Variants in MAN2A2 observed in about 807,000 individuals in gnomAD.
The protein encoded by MAN2A2 is alpha-mannosidase 2x.
In MAN2A2, 79 loss-of-function variants were observed where a neutral mutation model predicts 126.8. The observed-to-expected ratio is 0.62, with a 90% confidence interval of 0.52 to 0.75. The LOEUF (loss-of-function observed/expected upper bound fraction) is 0.75. MAN2A2 is among the 30% of genes least tolerant of loss of function. The pLI, the probability that MAN2A2 is intolerant of heterozygous loss-of-function variation, is 0.00. For synonymous variants in MAN2A2, 671 were observed against 618.7 expected (o/e 1.08, Z -1.25); for missense variants, 1,392 against 1,522.4 (o/e 0.91, Z 1.43).
chr15:90,909,450 C>T lies in MAN2A2; in HGVS notation c.1320C>T (p.Phe440=), dbSNP rs1364462721. 17 of 1,614,032 alleles carry T rather than the reference C, an allele frequency of 1.1e-5. No individual in the cohort carries two copies. Among genetic ancestry groups the T allele is most frequent in the Non-Finnish European group, 1.4e-5 (16 of 1,180,008 alleles). The change falls in exon 9 of 23, where the codon TTC becomes TTT. Residue 440 remains phenylalanine (F), a synonymous_variant. Coordinates refer to ENST00000559717, the MANE Select transcript of MAN2A2 (RefSeq NM_006122.4). ...CCCAGGAGTGGGATGCCCAGTTCTT[C>T]AACTACCAACGGCTCTTTGACTTCT... ...DKPQEWDAQF[F]NYQRLFDFFN...
rs1294076956 is a variant in MAN2A2, at chr15:90,907,306, C to T, written c.1010-3C>T. 2.5e-6 allele frequency: 4 copies of T among 1,612,502 alleles called. No homozygotes were observed. The highest frequency in any genetic ancestry group is 3.4e-6 in the Non-Finnish European group (4 of 1,178,928). On this transcript the variant is annotated splice_polypyrimidine_tract_variant and splice_region_variant and intron_variant, in intron 7 of 22. Coordinates refer to ENST00000559717, the MANE Select transcript of MAN2A2 (RefSeq NM_006122.4). ...TGGTGACCACGTGGTGTGTCTCCTG[C>T]AGACTCGGACTCCAGCACAGACATC...
rs1028847148 is a variant in MAN2A2 at position 90,904,404 on chromosome 15, C to A, written c.132+65C>A. 3 of 1,545,064 alleles carry A rather than the reference C, an allele frequency of 1.9e-6. No homozygotes were observed. In the African/African-American group the frequency reaches 4.1e-5, roughly 21 times the overall value. ...CACCTGGGCTCAGGGTATGCACCTC[C>A]CACCCCGCCGCCTCCCCTCCCACCC... On this transcript the variant is annotated intron_variant, in intron 2 of 22. Coordinates refer to ENST00000559717, the MANE Select transcript of MAN2A2 (RefSeq NM_006122.4).
rs1250346940 is a variant in MAN2A2 at position 90,905,263 on chromosome 15, G to C, written c.145G>C (p.Val49Leu). The change falls in exon 3 of 23, where the codon GTG becomes CTG. Residue 49 changes from valine (V) to leucine (L), a missense_variant. Transcript: ENST00000559717. Reference sequence around the variant, plus strand: ...GGTTTTTTGGCAGAGCCAAATTTCTGTGCTGCAGAACCGCATTGAGCAGCT... The same window carrying C: ...GGTTTTTTGGCAGAGCCAAATTTCTCTGCTGCAGAACCGCATTGAGCAGCT... ...GGNFPRSQISVLQNRIEQLEQ... is the reference protein window; with the variant it reads ...GGNFPRSQISLLQNRIEQLEQ... The C allele has an allele frequency of 6.2e-7, 1 of 1,612,520 alleles. No individual in the cohort carries two copies. The highest frequency in any genetic ancestry group is 8.5e-7 in the Non-Finnish European group (1 of 1,179,972).
In MAN2A2 at chr15:90,913,290, C is replaced by G; in HGVS notation, c.2602C>G (p.Leu868Val). The change falls in exon 18 of 23, where the codon CTG becomes GTG. Residue 868 changes from leucine (L) to valine (V), a missense_variant. By Grantham distance (32) the Leu-to-Val change is conservative (BLOSUM62 1). Transcript: ENST00000559717. ...YNLPGVEGLS[L>V]DISSLVDIRD... ...GTACCCAGGGGTGGAGGGGCTGTCT[C>G]TGGACATATCATCCCTGGTGGACAT... 1 of 1,614,090 alleles carries G rather than the reference C, an allele frequency of 6.2e-7. No homozygotes were observed. The highest frequency in any genetic ancestry group is 8.5e-7 in the Non-Finnish European group (1 of 1,180,000).
At chr15:90,911,894 G>C (rs2034777884) in intron 14 of MAN2A2, 149 bp from the exon 15 acceptor site, 1 of 698,498 alleles carries the variant, frequency 1.4e-6, no homozygotes, top group Non-Finnish European at 2.5e-6. Context: ...GAGGAAGAAA[G>C]GGCAAATCAG....
intron 5 of MAN2A2, 25 bp from the exon 6 acceptor site, chr15:90,906,345 C>A: frequency 3.1e-6 from 5 of 1,613,884 alleles, no homozygotes; most frequent in Non-Finnish European, 4.2e-6. Flanking sequence ...CCTGCTCCGT[C>A]CTGAGTGTGA....
At position 90,911,407 on chromosome 15, in the gene MAN2A2, C is replaced by G. The variant is rs1405096027; in HGVS notation, c.1966C>G (p.Leu656Val). The G allele has an allele frequency of 3.1e-6, 5 of 1,614,252 alleles. No homozygotes were observed. Among genetic ancestry groups the G allele is most frequent in the Non-Finnish European group, 4.2e-6 (5 of 1,180,038 alleles). Residue 656 changes from leucine to valine, a missense_variant, in exon 14 of 23, where the codon CTG (leucine) becomes GTG (valine). Coordinates refer to ENST00000559717, the MANE Select transcript of MAN2A2 (RefSeq NM_006122.4). ...SPRFVVLFNP[L>V]EQERFSMVSL... ...CAGGTTTGTGGTCCTATTCAACCCA[C>G]TGGAACAGGAGCGATTCAGCATGGT...
At chr15:90,904,408 C>T (rs904895287) in intron 2 of MAN2A2, 69 bp downstream of exon 2, 1 of 1,509,720 alleles carries the variant, frequency 6.6e-7, no homozygotes, top group African/African-American at 1.4e-5. Flanking sequence ...CACCTCCCAC[C>T]CCGCCGCCTC....
chr15:90,909,222 G>T, intron 8 of MAN2A2, 105 bp from the exon 9 acceptor site: 2 of 1,144,000 alleles, frequency 1.7e-6, no homozygotes, highest in Non-Finnish European at 1.2e-6. Flanking sequence ...ACCACTCCTT[G>T]GTGGATGGGA....
intron 1 of MAN2A2, 146 bp downstream of exon 1, chr15:90,903,578 A>G (rs2034009260): frequency 6.1e-6 from 1 of 164,524 alleles, no homozygotes; most frequent in Non-Finnish European, 1.4e-5. Context: ...GTGCTCTGCA[A>G]ACCGCGGCTG....
rs191442653 is a variant in MAN2A2 at position 90,907,532 on chromosome 15, C to T, written c.1196+37C>T. 54 of 1,585,500 alleles carry T rather than the reference C, an allele frequency of 3.4e-5. No individual in the cohort carries two copies. The Admixed American group carries it at 4.9e-4, about 14-fold the overall frequency. On this transcript the variant is annotated intron_variant, in intron 8 of 22. Transcript: ENST00000559717. Reference sequence around the variant, plus strand: ...CAGCCCTTTCACTTCACAGAGGAATCGGGAGGCCTGGCTCTGGTCTGGGCC... The same window carrying T: ...CAGCCCTTTCACTTCACAGAGGAATTGGGAGGCCTGGCTCTGGTCTGGGCC...
At chr15:90,909,048 C>T (rs1044361596) in intron 8 of MAN2A2, among the ~76,000 whole-genome samples, 1 of 152,150 alleles carries the variant, frequency 6.6e-6, no homozygotes, top group African/African-American at 2.4e-5. Flanking sequence ...GGTGCTGCAT[C>T]GCTAACTGGT....
At position 90,912,138 on chromosome 15, in the gene MAN2A2, C is replaced by T; in HGVS notation, c.2205C>T (p.Arg735=). Residue 735 remains arginine (R), a synonymous_variant, in exon 15 of 23, where the codon CGC becomes CGT. Transcript: ENST00000559717. The part of the protein sequence containing the change: ...DGHRTLPSSV[R]IYLHGRQLSV... ...ACCGCACGCTGCCCTCCTCTGTGCG[C>T]ATCTACCTGCACGGCCGGCAGCTGT... 1 of 1,613,864 alleles carries T rather than the reference C, an allele frequency of 6.2e-7. No individual in the cohort carries two copies. The highest frequency in any genetic ancestry group is 2.2e-5 in the East Asian group (1 of 44,876).
chr15:90,906,110 G>T, intron 5 of MAN2A2, 94 bp downstream of exon 5: 6 of 1,538,800 alleles, frequency 3.9e-6, no homozygotes, highest in Non-Finnish European at 5.3e-6. Flanking sequence ...CAAGGTGGCA[G>T]GGAGAGGCCC....
rs745981577 is a variant in MAN2A2 at position 90,912,126 on chromosome 15, C to T, written c.2193C>T (p.Pro731=). 3 of 1,613,786 alleles carry T rather than the reference C, an allele frequency of 1.9e-6. No homozygotes were observed. Among genetic ancestry groups the T allele is most frequent in the Non-Finnish European group, 2.5e-6 (3 of 1,179,948 alleles). ...QLGLDGHRTL[P]SSVRIYLHGR... ...GCCTGGATGGGCACCGCACGCTGCC[C>T]TCCTCTGTGCGCATCTACCTGCACG... Residue 731 remains proline (P), a synonymous_variant, in exon 15 of 23, where the codon CCC becomes CCT. Transcript: ENST00000559717.
In MAN2A2 at chr15:90,910,633, T is replaced by A; in HGVS notation, c.1710T>A (p.Asp570Glu). The part of the protein sequence containing the change: ...RRTLGLFQHH[D>E]AITGTAKEAV... ...CATTGGGGCTCTTCCAGCATCACGA[T>A]GCCATCACTGGCACGGCCAAGGAGG... The change falls in exon 11 of 23, where the codon GAT becomes GAA. Residue 570 changes from aspartate (D) to glutamate (E), a missense_variant. Coordinates refer to ENST00000559717, the MANE Select transcript of MAN2A2 (RefSeq NM_006122.4). 4 of 1,614,138 alleles carry A rather than the reference T, an allele frequency of 2.5e-6. No individual in the cohort carries two copies. The highest frequency in any genetic ancestry group is 1.7e-6 in the Non-Finnish European group (2 of 1,180,016).
At chr15:90,909,207 G>T in intron 8 of MAN2A2, 120 bp from the exon 9 acceptor site, 4 of 947,190 alleles carry the variant, frequency 4.2e-6, no homozygotes, top group South Asian at 3.4e-5. Flanking sequence ...GTCTGTTTGC[G>T]CTGAACCACT....
chr15:90,919,918 C>T lies in MAN2A2; in HGVS notation c.*131C>T. ...ACTGTGACACACTGGGCTCTGCCCT[C>T]ATTTTCTGTTTATTGCTGCTGCTGT... is the stretch of plus-strand genomic sequence containing the variant. On this transcript the variant is annotated 3_prime_UTR_variant, in exon 23 of 23. Coordinates refer to ENST00000559717, the MANE Select transcript of MAN2A2 (RefSeq NM_006122.4). 8.1e-6 allele frequency: 9 copies of T among 1,115,288 alleles called. No homozygotes were observed. Among genetic ancestry groups the T allele is most frequent in the Non-Finnish European group, 1.0e-5 (8 of 786,446 alleles). 69.1% of individuals were successfully genotyped at this position (1,115,288 alleles called of 1,614,324 possible). A position where few individuals can be genotyped will look rare whatever the true frequency, so the allele number is the denominator to read the frequency against.
At chr15:90,904,943 C>T (rs953437171) in intron 2 of MAN2A2, among the ~76,000 whole-genome samples, 1 of 152,158 alleles carries the variant, frequency 6.6e-6, no homozygotes, top group Non-Finnish European at 1.5e-5. Context: ...GCATTCTTTG[C>T]CATTAAGCCC....
Sources: allele counts gnomAD v4.1 joint callset (sites outside exome capture counted in the v4.1 genomes callset), GRCh38; gene constraint gnomAD v4.1.1; transcripts MANE v1.5; gene names NCBI Gene and HGNC (gene_info 2026-07-23, HGNC 2026-07-21).